The following GNG12 variants were observed in gnomAD, a reference collection of about 807,000 sequenced individuals.
The protein encoded by GNG12 is G protein subunit gamma 12, also known as guanine nucleotide-binding protein G(I)/G(S)/G(O) subunit gamma-12.
For synonymous variants in GNG12, 28 were observed against 29.7 expected (o/e 0.94, Z 0.19); for missense variants, 69 against 83.8 (o/e 0.82, Z 0.69).
chr1:67,809,548 T>C (rs990918480), intron 1 of GNG12, among the ~76,000 whole-genome samples: 1 of 152,104 alleles, frequency 6.6e-6, no homozygotes, highest in African/African-American at 2.4e-5. Flanking sequence ...AGGACTGTTA[T>C]CCAAAATATA....
chr1:67,786,609 C>G (rs1646769038), intron 1 of GNG12, among the ~76,000 whole-genome samples: 1 of 151,948 alleles, frequency 6.6e-6, no homozygotes, highest in Non-Finnish European at 1.5e-5. Context: ...GTGGTAGAGA[C>G]AAAACAGAGA....
chr1:67,781,096 T>C (rs1646735043), intron 1 of GNG12, among the ~76,000 whole-genome samples: 1 of 152,204 alleles, frequency 6.6e-6, no homozygotes, highest in African/African-American at 2.4e-5. Flanking sequence ...CTAGAACATA[T>C]ACAGATCTCT....
At chr1:67,762,814 T>G (rs1356614360) in intron 2 of GNG12, among the ~76,000 whole-genome samples, 1 of 152,198 alleles carries the variant, frequency 6.6e-6, no homozygotes, top group Non-Finnish European at 1.5e-5. Flanking sequence ...TCTAATATTT[T>G]CTTGGGAGTT....
At chr1:67,761,610 G>T (rs1646605226) in intron 2 of GNG12, among the ~76,000 whole-genome samples, 1 of 152,116 alleles carries the variant, frequency 6.6e-6, no homozygotes, top group African/African-American at 2.4e-5. Flanking sequence ...TACAAAGCCT[G>T]CAAGGTCAAG....
chr1:67,825,264 G>C (rs1198543281), intron 1 of GNG12, among the ~76,000 whole-genome samples: 2 of 152,158 alleles, frequency 1.3e-5, no homozygotes, highest in Non-Finnish European at 2.9e-5. Flanking sequence ...TCTGAAGATA[G>C]CTGCATTTAA....
intron 1 of GNG12, among the ~76,000 whole-genome samples, chr1:67,822,572 G>T (rs1646990375): frequency 6.6e-6 from 1 of 152,158 alleles, no homozygotes; most frequent in Non-Finnish European, 1.5e-5. Flanking sequence ...CTTCATAAAA[G>T]TCAGAATGTA....
At chr1:67,796,513 G>A (rs1646832166) in intron 1 of GNG12, among the ~76,000 whole-genome samples, 1 of 152,034 alleles carries the variant, frequency 6.6e-6, no homozygotes, top group Non-Finnish European at 1.5e-5. Flanking sequence ...TTTCCTATGA[G>A]CTCATGTCAA....
At chr1:67,740,668 T>C (rs761603501) in intron 2 of GNG12, among the ~76,000 whole-genome samples, 8 of 152,330 alleles carry the variant, frequency 5.3e-5, no homozygotes, top group African/African-American at 1.7e-4. Flanking sequence ...CCTAACCCCA[T>C]GGTGACAGTA....
In GNG12 at chr1:67,702,036, T is replaced by TA; in HGVS notation, c.*3414dup. 6.5e-6 allele frequency: 1 copy of TA among 152,762 alleles called. No individual in the cohort carries two copies. The highest frequency in any genetic ancestry group is 1.5e-5 in the Non-Finnish European group (1 of 68,120). 9.5% of individuals were successfully genotyped at this position (152,762 alleles called of 1,614,324 possible). On this transcript the variant is annotated 3_prime_UTR_variant, in exon 4 of 4. Coordinates refer to ENST00000370982, the MANE Select transcript of GNG12 (RefSeq NM_018841.6). ...GCCACTTGTTTTACAAATGGAGAAA[T>TA]AGAGGCCCAGAGAGATGAAGCGCCT...
At chr1:67,746,938 T>G (rs201462634) in intron 2 of GNG12, among the ~76,000 whole-genome samples, 10 of 140,462 alleles carry the variant, frequency 7.1e-5, no homozygotes, top group African/African-American at 2.8e-4. Flanking sequence ...AAGTGTGTGT[T>G]TTTTTTTTCT....
At chr1:67,816,276 G>C (rs367756334) in intron 1 of GNG12, among the ~76,000 whole-genome samples, 1 of 152,066 alleles carries the variant, frequency 6.6e-6, no homozygotes, top group Non-Finnish European at 1.5e-5. Flanking sequence ...GATTACAGCC[G>C]ACCGTAGTAA....
In GNG12 at chr1:67,766,135, C is replaced by A. The variant is rs571987011; in HGVS notation, c.-27+11323G>T. ...ACACACACACACACACACACACACACACACACACACACACCCCTAAACAAT... is the reference window on the plus strand; with the variant it reads ...ACACACACACACACACACACACACAAACACACACACACACCCCTAAACAAT... On this transcript the variant is annotated intron_variant, in intron 2 of 3. Coordinates refer to ENST00000370982, the MANE Select transcript of GNG12 (RefSeq NM_018841.6). Among the ~76,000 whole-genome samples the A allele has an allele frequency of 3.2e-4, 48 of 148,860 alleles. 1 individual carries two copies. In the East Asian group the frequency reaches 8.0e-3, roughly 25 times the overall value.
At chr1:67,707,547 G>T in intron 3 of GNG12, 47 bp downstream of exon 3, 1 of 986,382 alleles carries the variant, frequency 1.0e-6, no homozygotes. Flanking sequence ...ACAAGGAACA[G>T]GGGGAACTGA....
intron 2 of GNG12, among the ~76,000 whole-genome samples, chr1:67,769,496 A>T (rs1476876878): frequency 2.0e-5 from 3 of 152,188 alleles, no homozygotes; most frequent in African/African-American, 7.2e-5. Flanking sequence ...CTCTGCATGG[A>T]GCCCTGATCA....
chr1:67,724,687 G>A (rs991517698), intron 2 of GNG12, among the ~76,000 whole-genome samples: 1 of 152,170 alleles, frequency 6.6e-6, no homozygotes, highest in South Asian at 2.1e-4. Context: ...ACCGCGCCTG[G>A]CCCAATTCTA....
intron 1 of GNG12, among the ~76,000 whole-genome samples, chr1:67,810,487 G>A (rs1203529165): frequency 6.6e-6 from 1 of 152,174 alleles, no homozygotes; most frequent in Admixed American, 6.5e-5. Flanking sequence ...GGATAGTGGA[G>A]GAGGCTATGC....
At chr1:67,708,226 A>T (rs1007506930) in intron 2 of GNG12, among the ~76,000 whole-genome samples, 25 of 152,254 alleles carry the variant, frequency 1.6e-4, no homozygotes, top group African/African-American at 5.8e-4. Context: ...CTTTGAATAA[A>T]GGGTGCTTAT....
intron 2 of GNG12, among the ~76,000 whole-genome samples, chr1:67,741,196 T>G (rs1354491373): frequency 6.6e-6 from 1 of 152,236 alleles, no homozygotes; most frequent in Non-Finnish European, 1.5e-5. Flanking sequence ...TGGCAAGAAC[T>G]GAAAAGCATT....
chr1:67,714,609 G>C (rs1044494381), intron 2 of GNG12, among the ~76,000 whole-genome samples: 6 of 152,120 alleles, frequency 3.9e-5, no homozygotes, highest in African/African-American at 1.2e-4. Flanking sequence ...TTCCTCAATG[G>C]ACTGGAGCCA....
Sources: allele counts gnomAD v4.1 joint callset (sites outside exome capture counted in the v4.1 genomes callset), GRCh38; gene constraint gnomAD v4.1.1; transcripts MANE v1.5; gene names NCBI Gene and HGNC (gene_info 2026-07-23, HGNC 2026-07-21).